The following TNFSF4 variants were observed in gnomAD, a reference collection of about 807,000 sequenced individuals.
The protein encoded by TNFSF4 is TNF superfamily member 4.
In TNFSF4, 4 loss-of-function variants were observed where a neutral mutation model predicts 7.3. The observed-to-expected ratio is 0.55, with a 90% CI of 0.27 to 1.25. TNFSF4 has a LOEUF of 1.25. Among genes scored for constraint, TNFSF4 ranks in the 50% most tolerant of loss-of-function variants. The probability of loss-of-function intolerance (pLI) is 0.12; values close to 1 mark genes in which losing one functional copy is unlikely to be tolerated. For missense variants in TNFSF4, 181 were observed against 208.8 expected, an observed-to-expected ratio of 0.87 and a Z score of 0.82; for synonymous variants, 76 against 83.7, an observed-to-expected ratio of 0.91 and a Z score of 0.50.
At chr1:173,331,460 AT>A in the TNFSF4 span, among the ~76,000 whole-genome samples, 1 of 152,356 alleles carries the variant, frequency 6.6e-6, no homozygotes, top group South Asian at 2.1e-4. Flanking sequence ...GTAGTCAAAA[AT>A]AAAACTAGAC....
chr1:173,335,566 T>A, the TNFSF4 span, among the ~76,000 whole-genome samples: 1 of 152,148 alleles, frequency 6.6e-6, no homozygotes, highest in South Asian at 2.1e-4. Context: ...CACCAGCTGT[T>A]CCTAGAAATG....
At chr1:173,224,864 C>A in the TNFSF4 span, among the ~76,000 whole-genome samples, 1 of 152,170 alleles carries the variant, frequency 6.6e-6, no homozygotes, top group African/African-American at 2.4e-5. Flanking sequence ...TCCAGTCAAG[C>A]CTGTCCTCCC....
intron 1 of TNFSF4, among the ~76,000 whole-genome samples, chr1:173,199,736 G>C (rs766651125): frequency 1.3e-4 from 20 of 152,276 alleles, no homozygotes; most frequent in Non-Finnish European, 2.6e-4. Context: ...TGGTTGAATA[G>C]GTATTTGTAT....
At chr1:173,264,356 C>G in the TNFSF4 span, among the ~76,000 whole-genome samples, 4 of 132,070 alleles carry the variant, frequency 3.0e-5, no homozygotes, top group African/African-American at 8.7e-5. Context: ...ACAGTGGTCT[C>G]TCTATGTTGC....
the TNFSF4 span, among the ~76,000 whole-genome samples, chr1:173,317,845 T>G: frequency 6.6e-6 from 1 of 152,192 alleles, no homozygotes; most frequent in African/African-American, 2.4e-5. Flanking sequence ...CAAGAATAAA[T>G]AGGCAATTAT....
the TNFSF4 span, among the ~76,000 whole-genome samples, chr1:173,306,616 CT>C: frequency 6.6e-6 from 1 of 151,920 alleles, no homozygotes; most frequent in Non-Finnish European, 1.5e-5. Flanking sequence ...ACTTCCTACA[CT>C]TGTCTACACT....
At chr1:173,287,990 A>C in the TNFSF4 span, among the ~76,000 whole-genome samples, 1 of 152,230 alleles carries the variant, frequency 6.6e-6, no homozygotes, top group South Asian at 2.1e-4. Context: ...CATATGTATA[A>C]AAATTCTTTG....
chr1:173,266,651 A>T, the TNFSF4 span, among the ~76,000 whole-genome samples: 3 of 152,132 alleles, frequency 2.0e-5, no homozygotes, highest in African/African-American at 7.2e-5. Flanking sequence ...TGATTAGTGT[A>T]TGTGCCTTTC....
chr1:173,367,183 AC>A, the TNFSF4 span, among the ~76,000 whole-genome samples: 2 of 152,226 alleles, frequency 1.3e-5, no homozygotes, highest in Non-Finnish European at 2.9e-5. Context: ...ACTCTTTGCT[AC>A]AATTCCACAC....
At chr1:173,385,482 A>G in the TNFSF4 span, among the ~76,000 whole-genome samples, 2 of 152,260 alleles carry the variant, frequency 1.3e-5, no homozygotes, top group African/African-American at 4.8e-5. Context: ...TCAGAGAGAA[A>G]GCACAGCAAG....
At chr1:173,309,680 T>C in the TNFSF4 span, among the ~76,000 whole-genome samples, 1 of 151,886 alleles carries the variant, frequency 6.6e-6, no homozygotes, top group Non-Finnish European at 1.5e-5. Flanking sequence ...TTGCTATTAA[T>C]GTTATGCTAG....
the TNFSF4 span, among the ~76,000 whole-genome samples, chr1:173,216,580 T>A: frequency 6.6e-6 from 1 of 152,114 alleles, no homozygotes; most frequent in Non-Finnish European, 1.5e-5. Context: ...AGACTGAGGG[T>A]GGATGGAGAG....
chr1:173,214,809 T>A, the TNFSF4 span, among the ~76,000 whole-genome samples: 3 of 152,220 alleles, frequency 2.0e-5, no homozygotes, highest in Non-Finnish European at 4.4e-5. Flanking sequence ...CATTCAATCC[T>A]CCTGCGAACA....
the TNFSF4 span, among the ~76,000 whole-genome samples, chr1:173,357,049 A>T: frequency 7.9e-5 from 12 of 152,318 alleles, no homozygotes; most frequent in African/African-American, 2.6e-4. Flanking sequence ...AGGAGAAGCA[A>T]AGATATATAA....
chr1:173,422,079 T>C, the TNFSF4 span, among the ~76,000 whole-genome samples: 1 of 151,822 alleles, frequency 6.6e-6, no homozygotes, highest in African/African-American at 2.4e-5. Flanking sequence ...TCAAGGTTAG[T>C]CCCTAGCAGA....
chr1:173,210,729 G>C (rs186671805), upstream of TNFSF4, among the ~76,000 whole-genome samples: 19 of 152,220 alleles, frequency 1.2e-4, no homozygotes, highest in Non-Finnish European at 2.1e-4. Context: ...TAATTCTAGG[G>C]GGGGGAAAAG....
At chr1:173,325,830 T>C in the TNFSF4 span, among the ~76,000 whole-genome samples, 1 of 152,066 alleles carries the variant, frequency 6.6e-6, no homozygotes, top group Non-Finnish European at 1.5e-5. Context: ...AAGTTGAATC[T>C]CTGAATAGAC....
chr1:173,351,872 C>T, the TNFSF4 span: 3 of 594,080 alleles, frequency 5.0e-6, no homozygotes, highest in Non-Finnish European at 6.2e-6. Context: ...TAGGCATTCA[C>T]CCCAGCAAGG....
the TNFSF4 span, among the ~76,000 whole-genome samples, chr1:173,240,169 C>A: frequency 6.6e-6 from 1 of 152,068 alleles, no homozygotes; most frequent in Non-Finnish European, 1.5e-5. Context: ...TCCTCCCTAC[C>A]TTTTTTATTT....
Sources: allele counts gnomAD v4.1 joint callset (sites outside exome capture counted in the v4.1 genomes callset), GRCh38; gene constraint gnomAD v4.1.1; transcripts MANE v1.5; gene names NCBI Gene and HGNC (gene_info 2026-07-23, HGNC 2026-07-21).